Variants in SDK2 observed in about 807,000 individuals in gnomAD.
The protein encoded by SDK2 is sidekick cell adhesion molecule 2.
In SDK2, 105 loss-of-function variants were observed where a neutral mutation model predicts 253.9. The observed-to-expected ratio is 0.41, with a 90% CI of 0.35 to 0.49. The LOEUF (loss-of-function observed/expected upper bound fraction) is 0.49. Among genes scored for constraint, SDK2 ranks in the 20% least tolerant of loss-of-function variants. The pLI is 0.06. For missense variants in SDK2, 2,608 were observed against 3,003.0 expected (o/e 0.87, Z 3.07); for synonymous variants, 1,249 against 1,234.9 (o/e 1.01, Z -0.24).
intron 5 of SDK2, among the ~76,000 whole-genome samples, chr17:73,446,190 A>G (rs1034169668): frequency 1.3e-5 from 2 of 152,116 alleles, no homozygotes; most frequent in Admixed American, 1.3e-4. Context: ...ACGGGATTCC[A>G]TGAGACTCCA....
rs1329711999 is a variant in SDK2, at chr17:73,427,640, T to A, written c.1583+2871A>T. On this transcript the variant is annotated intron_variant, in intron 12 of 44. Coordinates refer to ENST00000392650, the MANE Select transcript of SDK2 (RefSeq NM_001144952.2). ...GTGCTGGAAAACCTTGACATCCACA[T>A]GCAAAAAAAAAAAAAAAAAAAATCT... Among the ~76,000 whole-genome samples the A allele has an allele frequency of 4.6e-3, 146 of 31,548 alleles. 1 individual carries two copies. Among genetic ancestry groups the A allele is most frequent in the Non-Finnish European group, 3.9e-3 (51 of 13,218 alleles). The allele number at this position is 31,548 out of a possible 152,430, so 20.7% of individuals were successfully genotyped here.
intron 1 of SDK2, among the ~76,000 whole-genome samples, chr17:73,592,270 C>T (rs375331565): frequency 6.6e-6 from 1 of 152,236 alleles, no homozygotes; most frequent in African/African-American, 2.4e-5. Context: ...GCCTCTCGGC[C>T]CCCATCATGC....
chr17:73,499,161 G>A (rs953010056), intron 2 of SDK2, among the ~76,000 whole-genome samples: 1 of 152,228 alleles, frequency 6.6e-6, no homozygotes. Flanking sequence ...CAGAAAGAGG[G>A]CCAGAGAAGC....
Position 73,452,071 on chromosome 17 carries a change from T to C in SDK2, c.479+3835A>G, listed in dbSNP as rs567368329. Among the ~76,000 whole-genome samples, 424 of 151,900 alleles carry C rather than the reference T, an allele frequency of 2.8e-3. 1 individual carries two copies. Among genetic ancestry groups the C allele is most frequent in the Non-Finnish European group, 5.0e-3 (340 of 67,964 alleles). ...GTTAATCCAGGCCATTTTTCTCAGC[T>C]CCCTGCAGCCCCCATTGATAATTTA... On this transcript the variant is annotated intron_variant, in intron 4 of 44. Coordinates refer to ENST00000392650, the MANE Select transcript of SDK2 (RefSeq NM_001144952.2).
intron 44 of SDK2, among the ~76,000 whole-genome samples, chr17:73,346,942 A>G (rs909492913): frequency 2.6e-5 from 4 of 152,226 alleles, no homozygotes; most frequent in African/African-American, 9.6e-5. Flanking sequence ...TACCAGTGGC[A>G]TCCCCATCAG....
chr17:73,573,201 C>T (rs1261876707), intron 1 of SDK2, among the ~76,000 whole-genome samples: 1 of 152,216 alleles, frequency 6.6e-6, no homozygotes, highest in African/African-American at 2.4e-5. Context: ...ACACTCTGGG[C>T]CAGCAGGCGG....
chr17:73,576,071 T>C (rs1226915334), intron 1 of SDK2, among the ~76,000 whole-genome samples: 1 of 152,142 alleles, frequency 6.6e-6, no homozygotes, highest in African/African-American at 2.4e-5. Flanking sequence ...TAGGTTCCTA[T>C]TGAACAGGAC....
Position 73,336,732 on chromosome 17 carries a change from C to T in SDK2, c.*1855G>A, listed in dbSNP as rs1389308242. The T allele has an allele frequency of 6.5e-6, 1 of 152,802 alleles. No homozygotes were observed. Among genetic ancestry groups the T allele is most frequent in the Non-Finnish European group, 1.5e-5 (1 of 68,206 alleles). The allele number at this position is 152,802 out of a possible 1,614,324, so 9.5% of individuals were successfully genotyped here. On this transcript the variant is annotated 3_prime_UTR_variant, in exon 45 of 45. Transcript: ENST00000392650. ...GCTTCCTTGAACTCTGCTCACCCAC[C>T]CCAACAGAGCATCATCTCTTGGGCA...
intron 37 of SDK2, among the ~76,000 whole-genome samples, chr17:73,367,505 CTT>C (rs58091810): frequency 1.4e-5 from 2 of 143,834 alleles, no homozygotes; most frequent in Non-Finnish European, 1.5e-5. Context: ...GGCCTCTTGT[CTT>C]TTTTTTTTTT....
chr17:73,387,711 A>G (rs2062884663), intron 30 of SDK2, 125 bp downstream of exon 30: 6 of 811,534 alleles, frequency 7.4e-6, no homozygotes, highest in Non-Finnish European at 1.1e-5. Flanking sequence ...TGGGTGGTGC[A>G]TGTAGGAGGA....
intron 39 of SDK2, among the ~76,000 whole-genome samples, chr17:73,360,652 T>C (rs1358264660): frequency 1.3e-5 from 2 of 151,396 alleles, no homozygotes; most frequent in East Asian, 3.9e-4. Flanking sequence ...AAGAGGACAT[T>C]TAAAGGAGGC....
intron 44 of SDK2, among the ~76,000 whole-genome samples, chr17:73,342,141 A>C (rs2062442770): frequency 6.8e-6 from 1 of 148,000 alleles, no homozygotes; most frequent in Non-Finnish European, 1.5e-5. Flanking sequence ...TCCATCTGCT[A>C]ATTTATGTTC....
intron 1 of SDK2, among the ~76,000 whole-genome samples, chr17:73,631,115 A>G (rs2046263735): frequency 6.6e-6 from 1 of 152,120 alleles, no homozygotes; most frequent in African/African-American, 2.4e-5. Flanking sequence ...GAGCCATCAC[A>G]TCAACACTGA....
intron 18 of SDK2, among the ~76,000 whole-genome samples, chr17:73,410,545 C>A (rs12951239): frequency 0.95 from 144,939 of 152,136 alleles, 69,181 homozygotes; most frequent in Non-Finnish European, 0.99. Context: ...TTCAAACTCT[C>A]GACCTCAAGT....
intron 18 of SDK2, among the ~76,000 whole-genome samples, chr17:73,413,960 C>T: frequency 6.6e-6 from 1 of 152,088 alleles, no homozygotes; most frequent in East Asian, 1.9e-4. Flanking sequence ...ATGAAGCCCA[C>T]AAGAGCCACG....
At position 73,423,427 on chromosome 17, in the gene SDK2, T is replaced by C. The variant is rs1341047549; in HGVS notation, c.1856A>G (p.Asn619Ser). Residue 619 changes from asparagine to serine, a missense_variant, in exon 14 of 45, where the codon AAC (asparagine) becomes AGC (serine). Physicochemically the swap from Asn to Ser is conservative, Grantham distance 46. This residue lies in a region of SDK2 where 1,505 missense variants were observed against 1,859.1 expected (regional missense o/e 0.81). Transcript: ENST00000392650. ...NLTWTKPFDG[N>S]SPLIRYILEM... ...CAGAATGTAGCGGATCAGGGGGCTGTTGCCATCAAAGGGCTTGGTCCACGT... is the reference window on the plus strand; with the variant it reads ...CAGAATGTAGCGGATCAGGGGGCTGCTGCCATCAAAGGGCTTGGTCCACGT... The C allele has an allele frequency of 6.4e-7, 1 of 1,573,486 alleles. No individual in the cohort carries two copies. Among genetic ancestry groups the C allele is most frequent in the Non-Finnish European group, 8.6e-7 (1 of 1,157,562 alleles).
rs758973579 is a variant in SDK2, at chr17:73,431,511, C to T, written c.1471G>A (p.Val491Ile). ...GGCTCTGCACACTCACCCCAAACGA[C>T]TAGGTCTGCTGAGGCCTCATCGACC... Reference protein sequence around the residue: ...RGVDEASADLVVWARTRITKP... With the variant: ...RGVDEASADLIVWARTRITKP... Residue 491 changes from valine to isoleucine, a missense_variant, in exon 11 of 45, where the codon GTC becomes ATC. Physicochemically the swap from Val to Ile is conservative, Grantham distance 29. Around this residue, in one of 2 missense-constraint regions of SDK2, gnomAD observed 1,505 missense variants for 1,859.1 expected, o/e 0.81. Transcript: ENST00000392650. The surrounding 1 kb of genome is among the most constrained non-coding windows in gnomAD (Gnocchi z 5.6). 1.7e-5 allele frequency: 27 copies of T among 1,611,320 alleles called. No individual in the cohort carries two copies. The East Asian group carries it at 6.0e-4, about 36-fold the overall frequency.
At chr17:73,348,360 T>C (rs188207115) in intron 44 of SDK2, among the ~76,000 whole-genome samples, 244 of 152,342 alleles carry the variant, frequency 1.6e-3, no homozygotes, top group Non-Finnish European at 2.9e-3. Context: ...GAGGGCCGTC[T>C]TCTTCGGGGT....
At chr17:73,418,010 G>GT (rs397689294) in intron 16 of SDK2, among the ~76,000 whole-genome samples, 3,189 of 128,170 alleles carry the variant, frequency 0.025, 132 homozygotes, top group African/African-American at 0.075. Flanking sequence ...TCCTAGATGA[G>GT]TTTTTTTTTT....
Sources: gnomAD v4.1 joint callset for allele counts (sites outside exome capture counted in the v4.1 genomes callset) on GRCh38, gnomAD v4.1.1 for gene constraint, gnomAD v4.1.1 regional missense constraint, Gnocchi (gnomAD v3.1) non-coding constraint, MANE v1.5 for transcripts, NCBI Gene and HGNC (gene_info 2026-07-23, HGNC 2026-07-21) for gene names.